SYCP1: variants seen among roughly 807,000 people sequenced by gnomAD.
SYCP1 encodes the protein cancer/testis antigen 8.
A neutral mutation model predicts 153.1 loss-of-function variants in SYCP1; 64 were observed. The observed-to-expected ratio is 0.42, with a 90% CI of 0.34 to 0.51. The LOEUF (loss-of-function observed/expected upper bound fraction) is 0.51. SYCP1 is among the 20% of genes least tolerant of loss of function. The probability of loss-of-function intolerance (pLI) is 0.06; values close to 1 mark genes in which losing one functional copy is unlikely to be tolerated. For synonymous variants in SYCP1, 384 were observed against 341.8 expected, an observed-to-expected ratio of 1.12 and a Z score of -1.36; for missense variants, 997 against 1,049.0, an observed-to-expected ratio of 0.95 and a Z score of 0.68.
Position 114,859,752 on chromosome 1 carries a change from G to T in SYCP1, c.466G>T (p.Glu156Ter). 1.1e-6 allele frequency: 1 copy of T among 931,592 alleles called. No individual in the cohort carries two copies. The highest frequency in any genetic ancestry group is 1.4e-6 in the Non-Finnish European group (1 of 692,770). 57.7% of individuals were successfully genotyped at this position (931,592 alleles called of 1,614,324 possible). A position where few individuals can be genotyped will look rare whatever the true frequency, so the allele number is the denominator to read the frequency against. Residue 156 changes from glutamate to a stop codon, truncating the protein, a stop_gained, in exon 7 of 32, where the codon GAA becomes TAA. Coordinates refer to ENST00000369522, the MANE Select transcript of SYCP1 (RefSeq NM_003176.4). LOFTEE classifies it high-confidence loss of function. ...CTGTTTTATAAATTAGTTTGGAAAT[G>T]AAAAAGTAAGTTTGAAATTAGAAGA... ...KAIQELQFGN[E>*]KVSLKLEEGI...
intron 15 of SYCP1, among the ~76,000 whole-genome samples, chr1:114,889,275 C>T (rs556119367): frequency 3.2e-4 from 49 of 152,274 alleles, no homozygotes; most frequent in African/African-American, 1.1e-3. Context: ...CTTGAGGAAT[C>T]GCCTCACTGT....
At chr1:114,901,682 C>A (rs1450085794) in intron 16 of SYCP1, among the ~76,000 whole-genome samples, 1 of 152,180 alleles carries the variant, frequency 6.6e-6, no homozygotes, top group African/African-American at 2.4e-5. Flanking sequence ...GAGGACTATA[C>A]AGAAAGTCAT....
chr1:114,925,817 A>T (rs183443238), intron 21 of SYCP1, among the ~76,000 whole-genome samples: 2 of 152,322 alleles, frequency 1.3e-5, no homozygotes, highest in East Asian at 3.9e-4. Context: ...ATGAATGTTG[A>T]CATATAAGTA....
At chr1:114,952,608 G>T (rs550861141) in intron 27 of SYCP1, among the ~76,000 whole-genome samples, 3 of 152,130 alleles carry the variant, frequency 2.0e-5, no homozygotes, top group South Asian at 4.1e-4. Context: ...AGGGGGAAAA[G>T]CCCCTTATAA....
chr1:114,976,203 G>A (rs961726205), intron 27 of SYCP1, among the ~76,000 whole-genome samples: 1 of 151,742 alleles, frequency 6.6e-6, no homozygotes, highest in Non-Finnish European at 1.5e-5. Flanking sequence ...TTCCACTAGA[G>A]TACCAGGCTT....
At chr1:114,879,946 TAA>T (rs1175114655) in intron 12 of SYCP1, among the ~76,000 whole-genome samples, 4 of 152,232 alleles carry the variant, frequency 2.6e-5, no homozygotes, top group Non-Finnish European at 5.9e-5. Flanking sequence ...TTTGATTACT[TAA>T]GAGTCCAATT....
chr1:114,855,272 C>T, intron 1 of SYCP1, 169 bp from the exon 2 acceptor site: 1 of 374,242 alleles, frequency 2.7e-6, no homozygotes, highest in Non-Finnish European at 4.8e-6. Flanking sequence ...ATTCCGTTGC[C>T]CACTCCGCGG....
At chr1:114,934,745 AG>A (rs1669878204) in intron 23 of SYCP1, among the ~76,000 whole-genome samples, 1 of 152,194 alleles carries the variant, frequency 6.6e-6, no homozygotes, top group South Asian at 2.1e-4. Flanking sequence ...AAAAAAAAGC[AG>A]GGGTTGCCAT....
intron 20 of SYCP1, among the ~76,000 whole-genome samples, chr1:114,920,497 T>C (rs1183530736): frequency 6.6e-6 from 1 of 152,168 alleles, no homozygotes; most frequent in African/African-American, 2.4e-5. Context: ...TTAGGTTCAT[T>C]TGGTCTAAAG....
chr1:114,861,613 A>T (rs1250632062), intron 8 of SYCP1, among the ~76,000 whole-genome samples: 4 of 152,148 alleles, frequency 2.6e-5, no homozygotes, highest in Non-Finnish European at 5.9e-5. Context: ...AGGGAGCTTG[A>T]ATAATTTGAG....
chr1:114,902,661 G>T (rs1334234984), intron 16 of SYCP1, among the ~76,000 whole-genome samples: 1 of 150,388 alleles, frequency 6.6e-6, no homozygotes, highest in South Asian at 2.1e-4. Context: ...TTACTTGGCC[G>T]TCTCATTATA....
intron 8 of SYCP1, among the ~76,000 whole-genome samples, chr1:114,868,926 T>C (rs1021655196): frequency 4.6e-5 from 7 of 152,204 alleles, no homozygotes; most frequent in African/African-American, 9.6e-5. Context: ...TTGAATCCTC[T>C]CTCTCTTTTT....
chr1:114,925,379 A>G (rs1669189474), intron 21 of SYCP1, among the ~76,000 whole-genome samples: 1 of 152,160 alleles, frequency 6.6e-6, no homozygotes. Context: ...GCCAATATAG[A>G]AAATATTAGT....
At chr1:114,856,773 G>T in intron 3 of SYCP1, 116 bp downstream of exon 3, 4 of 732,158 alleles carry the variant, frequency 5.5e-6, no homozygotes, top group Non-Finnish European at 8.5e-6. Context: ...ACAAAAGCTA[G>T]ATATAATACT....
intron 9 of SYCP1, 105 bp from the exon 10 acceptor site, chr1:114,875,963 GT>G: frequency 1.5e-6 from 1 of 677,312 alleles, no homozygotes; most frequent in Admixed American, 3.4e-5. Flanking sequence ...AAATTGTGTG[GT>G]TTTAAATTTA....
intron 26 of SYCP1, 95 bp from the exon 27 acceptor site, chr1:114,947,151 A>G (rs1039232271): frequency 4.4e-6 from 4 of 902,008 alleles, no homozygotes; most frequent in South Asian, 1.5e-5. Flanking sequence ...TTATTTCTCT[A>G]CAATATTAAA....
chr1:114,898,294 C>G (rs115641605), intron 16 of SYCP1, among the ~76,000 whole-genome samples: 143 of 152,276 alleles, frequency 9.4e-4, no homozygotes, highest in African/African-American at 3.2e-3. Flanking sequence ...TTATGACATG[C>G]CCAGATAACT....
At chr1:114,914,115 A>C (rs1244791573) in intron 20 of SYCP1, 70 bp downstream of exon 20, 2 of 1,233,382 alleles carry the variant, frequency 1.6e-6, no homozygotes, top group Non-Finnish European at 2.2e-6. Flanking sequence ...TTAACTTGTT[A>C]TCATTAATTT....
At chr1:114,931,383 A>G (rs1411284432) in intron 23 of SYCP1, among the ~76,000 whole-genome samples, 12 of 152,154 alleles carry the variant, frequency 7.9e-5, no homozygotes, top group Admixed American at 7.9e-4. Context: ...TGAATTTGAC[A>G]AAGTCACTGG....
Sources: gnomAD v4.1 joint callset for allele counts (sites outside exome capture counted in the v4.1 genomes callset) on GRCh38, gnomAD v4.1.1 for gene constraint, MANE v1.5 for transcripts, NCBI Gene and HGNC (gene_info 2026-07-23, HGNC 2026-07-21) for gene names.